SRCAP: variants seen among roughly 807,000 people sequenced by gnomAD.
SRCAP encodes the protein chromatin remodeling protein SRCAP.
In SRCAP, 46 loss-of-function variants were observed where a neutral mutation model predicts 263.1. The observed-to-expected ratio is 0.17, with a 90% confidence interval of 0.14 to 0.22. SRCAP has a LOEUF of 0.22. Among genes scored for constraint, SRCAP ranks in the 10% least tolerant of loss-of-function variants. The pLI, the probability that SRCAP is intolerant of heterozygous loss-of-function variation, is 1.00. For synonymous variants in SRCAP, 1,813 were observed against 1,662.1 expected, an observed-to-expected ratio of 1.09 and a Z score of -2.21; for missense variants, 3,695 against 4,181.9, an observed-to-expected ratio of 0.88 and a Z score of 3.21.
At chr16:30,723,287 C>A in intron 24 of SRCAP, 58 bp downstream of exon 24, 1 of 1,539,070 alleles carries the variant, frequency 6.5e-7, no homozygotes, top group Non-Finnish European at 8.7e-7. Flanking sequence ...GAGATGGGGT[C>A]GCCTCAAGGT....
At chr16:30,703,247 C>T (rs529498235) in intron 3 of SRCAP, among the ~76,000 whole-genome samples, 3 of 151,360 alleles carry the variant, frequency 2.0e-5, no homozygotes, top group South Asian at 2.1e-4. Flanking sequence ...TGCAGTGGCG[C>T]GATCTCGGCT....
At chr16:30,707,051 C>T (rs1036920259) in intron 4 of SRCAP, 132 bp from the exon 5 acceptor site, 16 of 797,992 alleles carry the variant, frequency 2.0e-5, no homozygotes, top group Non-Finnish European at 3.0e-5. Flanking sequence ...ATGATACCTG[C>T]CTGTAAGTTT....
rs781414237 is a variant in SRCAP at position 30,724,762 on chromosome 16, C to T, written c.5338C>T (p.Leu1780=). 1 of 1,613,832 alleles carries T rather than the reference C, an allele frequency of 6.2e-7. No homozygotes were observed. The highest frequency in any genetic ancestry group is 1.3e-5 in the African/African-American group (1 of 75,038). The stretch of plus-strand genomic sequence containing the variant: ...TCCAGCATCGTCATCTGCTTCACTC[C>T]TGGCCCCAGCTTCAGTGCAGACACT... The part of the protein sequence containing the change: ...LAPASSSASL[L]APASVQTLTL... Residue 1780 remains leucine, a synonymous_variant, in exon 25 of 34, where the codon CTG becomes TTG. Transcript: ENST00000262518.
intron 3 of SRCAP, among the ~76,000 whole-genome samples, chr16:30,703,810 T>C (rs1432466773): frequency 1.3e-5 from 2 of 151,880 alleles, no homozygotes; most frequent in Non-Finnish European, 2.9e-5. Context: ...GGCAGGAGAA[T>C]GGCATGAACC....
Position 30,737,110 on chromosome 16 carries a change from C to T in SRCAP, c.7070C>T (p.Pro2357Leu), listed in dbSNP as rs764260887. Reference protein sequence around the residue: ...DQAKEEVFRLPQEEEEGPGAG... With the variant: ...DQAKEEVFRLLQEEEEGPGAG... Reference sequence around the variant, plus strand: ...GCCAAGGAGGAGGTGTTCCGCCTACCCCAAGAGGAGGAGGAGGGGCCGGGG... The same window carrying T: ...GCCAAGGAGGAGGTGTTCCGCCTACTCCAAGAGGAGGAGGAGGGGCCGGGG... Residue 2357 changes from proline (P) to leucine (L), a missense_variant, in exon 34 of 34, where the codon CCC becomes CTC. Pro to Leu is a moderately conservative substitution (Grantham distance 98, BLOSUM62 -3). Around this residue, in one of 12 missense-constraint regions of SRCAP, gnomAD observed 91 missense variants for 150.6 expected, o/e 0.60. Transcript: ENST00000262518. The T allele has an allele frequency of 2.5e-6, 4 of 1,613,170 alleles. No individual in the cohort carries two copies. The South Asian group carries it at 3.3e-5, about 13-fold the overall frequency.
rs1596668265 is a variant in SRCAP at position 30,737,760 on chromosome 16, A to G, written c.7720A>G (p.Thr2574Ala). Residue 2574 changes from threonine (T) to alanine (A), a missense_variant, in exon 34 of 34, where the codon ACC (threonine) becomes GCC (alanine). Thr to Ala is a moderately conservative substitution (Grantham distance 58, BLOSUM62 0). Coordinates refer to ENST00000262518, the MANE Select transcript of SRCAP (RefSeq NM_006662.3). ...LELASVASSETSSLSLVPPKD... is the reference protein window; with the variant it reads ...LELASVASSEASSLSLVPPKD... ...GCTGGCTTCTGTGGCCAGTTCAGAA[A>G]CCTCCTCACTTTCTCTTGTGCCCCC... 6.2e-7 allele frequency: 1 copy of G among 1,613,988 alleles called. No individual in the cohort carries two copies. Among genetic ancestry groups the G allele is most frequent in the Non-Finnish European group, 8.5e-7 (1 of 1,180,010 alleles).
chr16:30,716,951 T>A (rs2052956770), intron 18 of SRCAP, among the ~76,000 whole-genome samples: 1 of 152,236 alleles, frequency 6.6e-6, no homozygotes. Context: ...CTCTGCTTTT[T>A]ATTTTGGGTA....
At chr16:30,714,507 C>CTTTTTTTTTTTTTTTT (rs749242748) in intron 16 of SRCAP, among the ~76,000 whole-genome samples, 12 of 99,996 alleles carry the variant, frequency 1.2e-4, no homozygotes, top group Non-Finnish European at 1.8e-4. Context: ...CCGTGCCGGG[C>CTTTTTTTTTTTTTTTT]TTTTTTTTTT....
chr16:30,728,855 A>G, intron 25 of SRCAP, 111 bp from the exon 26 acceptor site: 1 of 1,300,766 alleles, frequency 7.7e-7, no homozygotes, highest in African/African-American at 1.5e-5. Flanking sequence ...AGCATAGTGT[A>G]TTTTTGGATC....
In SRCAP at chr16:30,716,410, C is replaced by T. The variant is rs1427174130; in HGVS notation, c.2748C>T (p.Phe916=). 6.2e-7 allele frequency: 1 copy of T among 1,614,114 alleles called. No individual in the cohort carries two copies. Among genetic ancestry groups the T allele is most frequent in the Non-Finnish European group, 8.5e-7 (1 of 1,180,054 alleles). Residue 916 remains phenylalanine (F), a synonymous_variant, in exon 18 of 34, where the codon TTC becomes TTT. Transcript: ENST00000262518. ...ACCCTCGACCGGTTACCTCCCCTTT[C>T]ATCACCCCAGGCATCTGCTTCAGCA... is the stretch of plus-strand genomic sequence containing the variant. ...LFDPRPVTSP[F]ITPGICFSTA...
rs1271146887 is a variant in SRCAP at position 30,709,907 on chromosome 16, G to C, written c.913G>C (p.Val305Leu). ...AGAGGATGATGAGGAAACGATTGAA[G>C]TTGAAGAACAACAGGAAGGCAATGA... ...EEEDDEETIEVEEQQEGNDAE... is the reference protein window; with the variant it reads ...EEEDDEETIELEEQQEGNDAE... The change falls in exon 8 of 34, where the codon GTT becomes CTT. Residue 305 changes from valine to leucine, a missense_variant. Transcript: ENST00000262518. 2 of 1,614,220 alleles carry C rather than the reference G, an allele frequency of 1.2e-6. No individual in the cohort carries two copies. Among genetic ancestry groups the C allele is most frequent in the Admixed American group, 3.3e-5 (2 of 60,032 alleles).
intron 4 of SRCAP, among the ~76,000 whole-genome samples, chr16:30,705,707 GT>G (rs541588292): frequency 2.0e-3 from 258 of 130,898 alleles, no homozygotes; most frequent in African/African-American, 2.9e-3. Context: ...CCACAATTGG[GT>G]TTTTTTTTTT....
chr16:30,716,516 A>G (rs140957835), intron 18 of SRCAP, 37 bp downstream of exon 18: 9 of 1,570,606 alleles, frequency 5.7e-6, no homozygotes, highest in African/African-American at 5.4e-5. Flanking sequence ...TGTAAAGGTT[A>G]TCGGCATTAC....
In SRCAP at chr16:30,737,200, C is replaced by T; in HGVS notation, c.7160C>T (p.Ala2387Val). ...CACCGGCGCAGTAAAAAGGCCAAAG[C>T]CCCTGAGAGGCCGGGGACTCGTGTC... The part of the protein sequence containing the change: ...GTHRRSKKAK[A>V]PERPGTRVSE... Residue 2387 changes from alanine to valine, a missense_variant, in exon 34 of 34, where the codon GCC becomes GTC. Physicochemically the swap from Ala to Val is moderately conservative, Grantham distance 64 (BLOSUM62 0). Coordinates refer to ENST00000262518, the MANE Select transcript of SRCAP (RefSeq NM_006662.3). 2 of 1,614,088 alleles carry T rather than the reference C, an allele frequency of 1.2e-6. No homozygotes were observed. Among genetic ancestry groups the T allele is most frequent in the East Asian group, 4.5e-5 (2 of 44,876 alleles).
At chr16:30,703,925 A>C (rs1039473963) in intron 3 of SRCAP, 139 bp from the exon 4 acceptor site, 2 of 1,056,766 alleles carry the variant, frequency 1.9e-6, no homozygotes, top group African/African-American at 3.2e-5. Context: ...CTTTATCCCG[A>C]ACGTTTGTGT....
chr16:30,703,974 T>A, intron 3 of SRCAP, 90 bp from the exon 4 acceptor site: 1 of 1,460,548 alleles, frequency 6.8e-7, no homozygotes, highest in Non-Finnish European at 9.2e-7. Flanking sequence ...TACACAGTTT[T>A]TTCTTGTGAA....
rs1440071254 is a variant in SRCAP, at chr16:30,712,964, T to A, written c.2130+149T>A. ...AAATAAAGATGGGGTCTCACTATGT[T>A]ACCCAAGCTGACCTTGAACACCTGG... On this transcript the variant is annotated intron_variant, in intron 14 of 33. Coordinates refer to ENST00000262518, the MANE Select transcript of SRCAP (RefSeq NM_006662.3). 5 of 1,142,680 alleles carry A rather than the reference T, an allele frequency of 4.4e-6. No homozygotes were observed. In the East Asian group the frequency reaches 1.3e-4, roughly 29 times the overall value. The allele number at this position is 1,142,680 out of a possible 1,614,324, so 70.8% of individuals were successfully genotyped here. A position where few individuals can be genotyped will look rare whatever the true frequency, so the allele number is the denominator to read the frequency against.
chr16:30,736,403 T>A lies in SRCAP; in HGVS notation c.6924+9T>A, dbSNP rs535674401. ...CTGCCCTCGTAGAACAGGTCAGTGC[T>A]GGACCCACTAGTTCTTGACTTTACT... On this transcript the variant is annotated intron_variant, in intron 32 of 33. Transcript: ENST00000262518. 10 of 1,607,852 alleles carry A rather than the reference T, an allele frequency of 6.2e-6. No homozygotes were observed. The highest frequency in any genetic ancestry group is 1.1e-5 in the South Asian group (1 of 90,658).
Position 30,733,983 on chromosome 16 carries a change from A to C in SRCAP, c.6584A>C (p.Asn2195Thr). 1.2e-6 allele frequency: 2 copies of C among 1,611,592 alleles called. No homozygotes were observed. The highest frequency in any genetic ancestry group is 1.7e-6 in the Non-Finnish European group (2 of 1,178,726). ...GGGGACATGGCCATTGAGGGAGGCA[A>C]CTTCACCACAGCCTATTTCAAACAG... ...MLGDMAIEGG[N>T]FTTAYFKQQT... The change falls in exon 30 of 34, where the codon AAC (asparagine) becomes ACC (threonine). Residue 2195 changes from asparagine to threonine, a missense_variant. Asn to Thr is a moderately conservative substitution (Grantham distance 65). Coordinates refer to ENST00000262518, the MANE Select transcript of SRCAP (RefSeq NM_006662.3). This position sits in a 1 kb window ranked among gnomAD's most constrained non-coding sequence, Gnocchi z 5.3.
Sources: allele counts gnomAD v4.1 joint callset (sites outside exome capture counted in the v4.1 genomes callset), GRCh38; gene constraint gnomAD v4.1.1; regional missense constraint gnomAD v4.1.1; non-coding constraint Gnocchi (gnomAD v3.1); transcripts MANE v1.5; gene names NCBI Gene and HGNC (gene_info 2026-07-23, HGNC 2026-07-21).